The following RANBP2 variants were observed in gnomAD, a reference collection of about 807,000 sequenced individuals.
The protein encoded by RANBP2 is E3 SUMO-protein ligase RanBP2.
A neutral mutation model predicts 303.6 loss-of-function variants in RANBP2; 57 were observed. The ratio of observed to expected loss-of-function variants is 0.19; its 90% CI spans 0.15 to 0.23. RANBP2 has a LOEUF of 0.23. Among genes scored for constraint, RANBP2 ranks in the 10% least tolerant of loss-of-function variants. RANBP2 has a pLI of 1.00. For synonymous variants in RANBP2, 1,167 were observed against 1,301.5 expected, an observed-to-expected ratio of 0.90 and a Z score of 2.23; for missense variants, 3,138 against 3,780.8, an observed-to-expected ratio of 0.83 and a Z score of 4.46.
At chr2:109,345,154 C>T in the RANBP2 span, among the ~76,000 whole-genome samples, 1 of 152,186 alleles carries the variant, frequency 6.6e-6, no homozygotes, top group Admixed American at 6.5e-5. Flanking sequence ...TGGAAGATGC[C>T]TCAGTCTCTC....
At chr2:108,841,618 G>A in the RANBP2 span, among the ~76,000 whole-genome samples, 1 of 151,192 alleles carries the variant, frequency 6.6e-6, no homozygotes. Context: ...TTTTTCTTTT[G>A]ACCTGCTTAT....
At chr2:109,241,540 T>C in the RANBP2 span, among the ~76,000 whole-genome samples, 49 of 152,186 alleles carry the variant, frequency 3.2e-4, no homozygotes, top group African/African-American at 1.1e-3. Flanking sequence ...TAACCATCCG[T>C]CCTCCCTCCC....
chr2:108,990,292 G>A, the RANBP2 span, among the ~76,000 whole-genome samples: 12 of 151,788 alleles, frequency 7.9e-5, no homozygotes, highest in South Asian at 4.2e-4. Context: ...TTAGCCGGGC[G>A]TGGTGGCGGG....
chr2:108,845,378 C>G, the RANBP2 span, among the ~76,000 whole-genome samples: 1 of 152,040 alleles, frequency 6.6e-6, no homozygotes, highest in Non-Finnish European at 1.5e-5. Context: ...TAAAACTTAT[C>G]CACATTGCAG....
chr2:109,501,137 C>T, the RANBP2 span, among the ~76,000 whole-genome samples: 1 of 151,966 alleles, frequency 6.6e-6, no homozygotes, highest in Non-Finnish European at 1.5e-5. Context: ...ACAGTTTTTC[C>T]TGACCCTCCC....
At chr2:109,172,319 C>T in the RANBP2 span, among the ~76,000 whole-genome samples, 3 of 152,374 alleles carry the variant, frequency 2.0e-5, no homozygotes, top group South Asian at 2.1e-4. Context: ...ACCTTGCAAA[C>T]AGCGTGGAAA....
the RANBP2 span, among the ~76,000 whole-genome samples, chr2:108,893,990 TTA>T: frequency 6.6e-6 from 1 of 151,524 alleles, no homozygotes; most frequent in Admixed American, 6.6e-5. Flanking sequence ...CCTCTCTCTG[TTA>T]TCTATCTAGG....
chr2:109,616,163 T>C, the RANBP2 span: 1 of 1,397,888 alleles, frequency 7.2e-7, no homozygotes, highest in Non-Finnish European at 9.3e-7. Context: ...CAAGCTAAAT[T>C]ATGCATTCTT....
At chr2:109,103,314 T>TA in the RANBP2 span, among the ~76,000 whole-genome samples, 36 of 152,360 alleles carry the variant, frequency 2.4e-4, no homozygotes, top group African/African-American at 8.2e-4. Context: ...TGACACAGCC[T>TA]AAGGAGGTCC....
chr2:109,555,267 T>G, the RANBP2 span, among the ~76,000 whole-genome samples: 3 of 152,214 alleles, frequency 2.0e-5, no homozygotes, highest in Non-Finnish European at 4.4e-5. Flanking sequence ...CCTTTCCAGA[T>G]TGATTTCTCA....
the RANBP2 span, among the ~76,000 whole-genome samples, chr2:109,392,667 T>C: frequency 2.0e-5 from 3 of 151,996 alleles, no homozygotes; most frequent in Admixed American, 1.3e-4. Context: ...TACAGGCGCC[T>C]GCCACCACGC....
At chr2:109,540,606 C>T in the RANBP2 span, among the ~76,000 whole-genome samples, 1 of 149,788 alleles carries the variant, frequency 6.7e-6, no homozygotes, top group Non-Finnish European at 1.5e-5. Context: ...GGGAGGATCA[C>T]TTGAGGCCAG....
the RANBP2 span, among the ~76,000 whole-genome samples, chr2:109,055,447 C>T: frequency 1.3e-5 from 2 of 151,174 alleles, no homozygotes; most frequent in East Asian, 1.9e-4. Flanking sequence ...TTGCAACTTC[C>T]GCCTCCAGAA....
rs746195325 is a variant in RANBP2, at chr2:108,767,179, A to C, written c.6640A>C (p.Asn2214His). 1 of 1,611,954 alleles carries C rather than the reference A, an allele frequency of 6.2e-7. No individual in the cohort carries two copies. Among genetic ancestry groups the C allele is most frequent in the Admixed American group, 1.7e-5 (1 of 59,998 alleles). Reference sequence around the variant, plus strand: ...TGCCTCAGACACAACAATAAAACCCAATCCTGAAAACACTGGGCCCACATT... The same window carrying C: ...TGCCTCAGACACAACAATAAAACCCCATCCTGAAAACACTGGGCCCACATT... Reference protein sequence around the residue: ...AGASDTTIKPNPENTGPTLEW... With the variant: ...AGASDTTIKPHPENTGPTLEW... Residue 2214 changes from asparagine to histidine, a missense_variant, in exon 20 of 29, where the codon AAT (asparagine) becomes CAT (histidine). This residue lies in a region of RANBP2 where 103 missense variants were observed against 214.3 expected (regional missense o/e 0.48). Transcript: ENST00000283195.
At chr2:109,535,864 A>G in the RANBP2 span, among the ~76,000 whole-genome samples, 1 of 152,182 alleles carries the variant, frequency 6.6e-6, no homozygotes, top group Non-Finnish European at 1.5e-5. Context: ...GACGCAATTT[A>G]GGGAGAAGAG....
chr2:108,870,120 A>T, the RANBP2 span, among the ~76,000 whole-genome samples: 4 of 152,340 alleles, frequency 2.6e-5, no homozygotes, highest in Admixed American at 2.6e-4. Context: ...GAAATAATGA[A>T]ATCAGGGAAA....
At chr2:109,299,173 GCCT>G in the RANBP2 span, among the ~76,000 whole-genome samples, 2 of 152,206 alleles carry the variant, frequency 1.3e-5, no homozygotes, top group Non-Finnish European at 2.9e-5. Context: ...TGCTCACGGG[GCCT>G]CCTCTGACCA....
chr2:109,503,785 C>T, the RANBP2 span: 3 of 152,128 alleles, frequency 2.0e-5, no homozygotes, highest in Non-Finnish European at 2.9e-5. Flanking sequence ...GTAACCTGAA[C>T]GTTCTTACTC....
the RANBP2 span, among the ~76,000 whole-genome samples, chr2:109,245,500 G>A: frequency 6.6e-6 from 1 of 152,252 alleles, no homozygotes; most frequent in East Asian, 1.9e-4. Flanking sequence ...TCCTTTCTAA[G>A]AGTCAACTAG....
Sources: gnomAD v4.1 joint callset for allele counts (sites outside exome capture counted in the v4.1 genomes callset) on GRCh38, gnomAD v4.1.1 for gene constraint, gnomAD v4.1.1 regional missense constraint, MANE v1.5 for transcripts, NCBI Gene and HGNC (gene_info 2026-07-23, HGNC 2026-07-21) for gene names.